The following EDNRB variants were observed in gnomAD, a reference collection of about 807,000 sequenced individuals.
EDNRB encodes Hirschsprung disease 2.
Under a neutral mutation model 46.4 loss-of-function variants are expected in EDNRB, and 18 were observed. That is an observed-to-expected ratio of 0.39 (90% CI 0.27 to 0.57). The LOEUF is 0.57. EDNRB is among the 20% of genes least tolerant of loss of function. The pLI is 0.61. For synonymous variants in EDNRB, 213 were observed against 204.9 expected, an observed-to-expected ratio of 1.04 and a Z score of -0.34; for missense variants, 434 against 537.5, an observed-to-expected ratio of 0.81 and a Z score of 1.90.
At chr13:77,921,799 G>A (rs9544634), upstream of EDNRB, among the ~76,000 whole-genome samples, 8,888 of 152,200 alleles carry the variant, frequency 0.058, 350 homozygotes, top group Middle Eastern at 0.12. Context: ...AAGGATTAAA[G>A]TTACTTCTTG....
At chr13:77,956,841 T>G (rs1881255822) in intron 1 of EDNRB, among the ~76,000 whole-genome samples, 1 of 152,248 alleles carries the variant, frequency 6.6e-6, no homozygotes, top group African/African-American at 2.4e-5. Flanking sequence ...CACATCACTA[T>G]GACATTGTCT....
upstream of EDNRB, among the ~76,000 whole-genome samples, chr13:77,922,700 G>A (rs1880120528): frequency 1.3e-5 from 2 of 152,170 alleles, no homozygotes; most frequent in African/African-American, 2.4e-5. Flanking sequence ...TTAAGTGACT[G>A]TAGCTATCTG....
intron 1 of EDNRB, among the ~76,000 whole-genome samples, chr13:77,951,638 A>G (rs1881092713): frequency 6.6e-6 from 1 of 152,212 alleles, no homozygotes; most frequent in Non-Finnish European, 1.5e-5. Flanking sequence ...TACGAACAGC[A>G]TAGCCCGTGG....
chr13:77,900,050 GA>G (rs557941496), intron 5 of EDNRB, 83 bp from the exon 6 acceptor site: 48 of 1,130,420 alleles, frequency 4.2e-5, no homozygotes, highest in East Asian at 9.9e-5. Flanking sequence ...CTTTTGTAAG[GA>G]AAAAAAATGC....
chr13:77,962,925 C>G (rs1044519441), intron 1 of EDNRB, among the ~76,000 whole-genome samples: 4 of 152,192 alleles, frequency 2.6e-5, no homozygotes, highest in African/African-American at 2.4e-5. Flanking sequence ...TCAGCAAAGT[C>G]TCAGGATACA....
upstream of EDNRB, among the ~76,000 whole-genome samples, chr13:77,920,448 A>G (rs568723235): frequency 1.3e-5 from 2 of 152,294 alleles, no homozygotes; most frequent in Admixed American, 1.3e-4. Flanking sequence ...GTGGAACTTC[A>G]AACCCAGAAG....
chr13:77,950,295 G>C (rs1924938), intron 1 of EDNRB, among the ~76,000 whole-genome samples: 89,667 of 151,632 alleles, frequency 0.59, 27,819 homozygotes, highest in Middle Eastern at 0.74. Context: ...CTCTCTAAGT[G>C]GACAAAGGTT....
chr13:77,952,290 A>G (rs963557573), intron 1 of EDNRB, among the ~76,000 whole-genome samples: 3 of 152,310 alleles, frequency 2.0e-5, no homozygotes, highest in South Asian at 4.2e-4. Flanking sequence ...AGGGTTTGTG[A>G]TAAAGGATTA....
In EDNRB at chr13:77,945,902, A is replaced by C. The variant is rs867977732; in HGVS notation, c.-51-27278T>G. Among the ~76,000 whole-genome samples, 19 of 149,370 alleles carry C rather than the reference A, an allele frequency of 1.3e-4. No homozygotes were observed. The Middle Eastern group carries it at 0.017, about 136-fold the overall frequency. On this transcript the variant is annotated intron_variant, in intron 1 of 7. Transcript: ENST00000646948. ...AAAAAAAAAAAAAAAAACAAAAAAAACACACAATCCGAAGAGACAAAGCAG... is the reference window on the plus strand; with the variant it reads ...AAAAAAAAAAAAAAAAACAAAAAAACCACACAATCCGAAGAGACAAAGCAG...
intron 1 of EDNRB, among the ~76,000 whole-genome samples, chr13:77,974,599 C>T (rs988128951): frequency 1.2e-5 from 1 of 84,980 alleles, no homozygotes; most frequent in African/African-American, 5.0e-5. Flanking sequence ...TTCTCTGTCT[C>T]TCTCTCTCCT....
At chr13:77,919,725 AG>A (rs367849777), upstream of EDNRB, 1,108 of 1,067,434 alleles carry the variant, frequency 1.0e-3, 8 homozygotes, top group African/African-American at 0.011. Flanking sequence ...TGCCCGAGGG[AG>A]GGGGGCAGTC....
chr13:77,964,131 G>T (rs1006527597), intron 1 of EDNRB, among the ~76,000 whole-genome samples: 20 of 152,210 alleles, frequency 1.3e-4, no homozygotes, highest in African/African-American at 4.8e-4. Flanking sequence ...ACAGGTGCTG[G>T]AGAGGATGTG....
At chr13:77,912,859 C>G (rs1412752139) in intron 1 of EDNRB, among the ~76,000 whole-genome samples, 1 of 152,046 alleles carries the variant, frequency 6.6e-6, no homozygotes, top group African/African-American at 2.4e-5. Flanking sequence ...AGTTACTTGA[C>G]TGGAAATGAG....
intron 1 of EDNRB, among the ~76,000 whole-genome samples, chr13:77,954,237 A>T (rs1014569516): frequency 6.6e-6 from 1 of 152,084 alleles, no homozygotes; most frequent in African/African-American, 2.4e-5. Context: ...AAACTCATTT[A>T]TTTCCTATAT....
At chr13:77,951,943 T>C (rs1324052303) in intron 1 of EDNRB, among the ~76,000 whole-genome samples, 2 of 152,156 alleles carry the variant, frequency 1.3e-5, no homozygotes, top group Non-Finnish European at 2.9e-5. Context: ...CTCTTCAGTA[T>C]CATCCATTTG....
chr13:77,924,815 T>G (rs1594377762), intron 1 of EDNRB, among the ~76,000 whole-genome samples: 1 of 152,086 alleles, frequency 6.6e-6, no homozygotes, highest in Admixed American at 6.5e-5. Context: ...AGTGAATGGG[T>G]CTCACGAGAT....
At chr13:77,949,961 A>G (rs1456037014) in intron 1 of EDNRB, among the ~76,000 whole-genome samples, 1 of 152,118 alleles carries the variant, frequency 6.6e-6, no homozygotes, top group African/African-American at 2.4e-5. Flanking sequence ...TGTCCCTTTG[A>G]TAGTTCTACT....
chr13:77,900,917 C>T (rs1878937282), intron 4 of EDNRB, 141 bp downstream of exon 4: 5 of 991,698 alleles, frequency 5.0e-6, no homozygotes, highest in Middle Eastern at 3.3e-4. Context: ...TATTCTTTAT[C>T]TATTTAAAAC....
chr13:77,964,509 T>G (rs1175429453), intron 1 of EDNRB, among the ~76,000 whole-genome samples: 1 of 152,090 alleles, frequency 6.6e-6, no homozygotes, highest in African/African-American at 2.4e-5. Flanking sequence ...ACCATCATAC[T>G]CAGCAAACTA....
Sources: allele counts gnomAD v4.1 joint callset (sites outside exome capture counted in the v4.1 genomes callset), GRCh38; gene constraint gnomAD v4.1.1; transcripts MANE v1.5; gene names NCBI Gene and HGNC (gene_info 2026-07-23, HGNC 2026-07-21).